SFMBT1: variants seen among roughly 807,000 people sequenced by gnomAD.
SFMBT1 encodes Scm like with four mbt domains 1, also known as scm-like with four MBT domains protein 1.
SFMBT1 carries 32 observed loss-of-function variants against 108.7 expected under a neutral mutation model. The ratio of observed to expected loss-of-function variants is 0.29; its 90% CI spans 0.22 to 0.40. The LOEUF (loss-of-function observed/expected upper bound fraction) is 0.40. Among genes scored for constraint, SFMBT1 ranks in the 10% least tolerant of loss-of-function variants. SFMBT1 has a pLI of 1.00. For synonymous variants in SFMBT1, 348 were observed against 369.5 expected (o/e 0.94, Z 0.67); for missense variants, 816 against 1,059.6 (o/e 0.77, Z 3.19).
chr3:53,008,364 G>C (rs930364060), intron 1 of SFMBT1, among the ~76,000 whole-genome samples: 4 of 151,942 alleles, frequency 2.6e-5, no homozygotes, highest in Non-Finnish European at 4.4e-5. Flanking sequence ...TTCTGTTTTG[G>C]GCTGTTTCAA....
At chr3:52,993,295 T>C (rs566938437) in intron 1 of SFMBT1, among the ~76,000 whole-genome samples, 46 of 150,298 alleles carry the variant, frequency 3.1e-4, no homozygotes, top group African/African-American at 1.1e-3. Flanking sequence ...TACTTTTTAT[T>C]TGTAGCAAAG....
chr3:52,959,099 G>A (rs1436616351), intron 2 of SFMBT1, among the ~76,000 whole-genome samples: 1 of 151,850 alleles, frequency 6.6e-6, no homozygotes, highest in Non-Finnish European at 1.5e-5. Context: ...ACACATCGGG[G>A]GGAAAAGCAT....
chr3:52,937,145 A>G (rs537926691), intron 4 of SFMBT1, among the ~76,000 whole-genome samples: 1 of 152,142 alleles, frequency 6.6e-6, no homozygotes, highest in South Asian at 2.1e-4. Context: ...CCGGCCACAC[A>G]TTTCATTCTT....
chr3:53,019,063 A>G (rs1039124864), intron 1 of SFMBT1: 16 of 152,188 alleles, frequency 1.1e-4, no homozygotes, highest in African/African-American at 3.9e-4. Context: ...GCTGAGGTGG[A>G]AGTATTGCTT....
chr3:52,975,955 G>A (rs1260470102), intron 1 of SFMBT1, among the ~76,000 whole-genome samples: 1 of 151,992 alleles, frequency 6.6e-6, no homozygotes, highest in Non-Finnish European at 1.5e-5. Context: ...AGGCTGTAAT[G>A]ACCCAAGATC....
At chr3:52,919,731 G>A (rs1702462528) in intron 12 of SFMBT1, among the ~76,000 whole-genome samples, 1 of 152,166 alleles carries the variant, frequency 6.6e-6, no homozygotes, top group South Asian at 2.1e-4. Context: ...GAAGCCAGTT[G>A]TCATGTTGTG....
At chr3:53,045,546 C>A (rs1700204374) in intron 1 of SFMBT1, among the ~76,000 whole-genome samples, 2 of 143,158 alleles carry the variant, frequency 1.4e-5, no homozygotes, top group African/African-American at 5.0e-5. Flanking sequence ...GGCGCCCAGG[C>A]GCGCCCCTGC....
At chr3:53,024,164 G>A (rs750889095) in intron 1 of SFMBT1, among the ~76,000 whole-genome samples, 3 of 152,176 alleles carry the variant, frequency 2.0e-5, no homozygotes, top group Non-Finnish European at 2.9e-5. Flanking sequence ...GTTGGAGAAG[G>A]GTTGAAATTT....
intron 1 of SFMBT1, among the ~76,000 whole-genome samples, chr3:52,974,724 C>T (rs1001841202): frequency 1.3e-5 from 2 of 151,578 alleles, no homozygotes; most frequent in African/African-American, 4.9e-5. Flanking sequence ...GGCACGGTGG[C>T]TCACGCCTGT....
chr3:52,942,820 A>C (rs1703230956), intron 4 of SFMBT1, among the ~76,000 whole-genome samples: 1 of 152,098 alleles, frequency 6.6e-6, no homozygotes, highest in Non-Finnish European at 1.5e-5. Flanking sequence ...CAGACAACTC[A>C]CGTATTTTCT....
chr3:52,990,161 C>A (rs1219131576), intron 1 of SFMBT1, among the ~76,000 whole-genome samples: 1 of 152,138 alleles, frequency 6.6e-6, no homozygotes. Context: ...TCAGGAAAAA[C>A]ATCATCATAA....
At chr3:52,976,247 T>C (rs1254146796) in intron 1 of SFMBT1, among the ~76,000 whole-genome samples, 1 of 152,002 alleles carries the variant, frequency 6.6e-6, no homozygotes, top group East Asian at 1.9e-4. Flanking sequence ...ACAAAAAAAG[T>C]TTTTTCTCAA....
At chr3:53,043,397 T>C (rs1448258680) in intron 1 of SFMBT1, 4 of 152,252 alleles carry the variant, frequency 2.6e-5, no homozygotes. Context: ...CTGACTATCC[T>C]GTATATATAA....
At chr3:52,999,785 T>TC (rs1169960345) in intron 1 of SFMBT1, among the ~76,000 whole-genome samples, 1 of 149,876 alleles carries the variant, frequency 6.7e-6, no homozygotes, top group Non-Finnish European at 1.5e-5. Context: ...CCCATTCCTC[T>TC]CCCTGATGGG....
In SFMBT1 at chr3:53,034,165, T is replaced by C. The variant is rs570656884; in HGVS notation, c.-131+11651A>G. Among the ~76,000 whole-genome samples the C allele has an allele frequency of 4.7e-4, 71 of 152,320 alleles. 2 individuals are homozygous for C. The South Asian group carries it at 0.014, about 31-fold the overall frequency. On this transcript the variant is annotated intron_variant, in intron 1 of 20. Coordinates refer to ENST00000394752, the MANE Select transcript of SFMBT1 (RefSeq NM_016329.4). The stretch of plus-strand genomic sequence containing the variant: ...AAATACAAAGGACTTTGTTGAAATT[T>C]TATTGAAGGAATGTGTTTTAATAAA...
intron 1 of SFMBT1, among the ~76,000 whole-genome samples, chr3:53,025,813 C>T (rs1699469285): frequency 6.6e-6 from 1 of 152,114 alleles, no homozygotes; most frequent in Non-Finnish European, 1.5e-5. Flanking sequence ...ACTATGCAGC[C>T]CTAACAATCT....
chr3:53,002,319 A>C (rs1234357892), intron 1 of SFMBT1, among the ~76,000 whole-genome samples: 1 of 148,250 alleles, frequency 6.7e-6, no homozygotes, highest in East Asian at 2.0e-4. Context: ...GAATGGCGTG[A>C]ACCCGGGAGG....
chr3:53,039,937 G>A (rs1468989984), intron 1 of SFMBT1, among the ~76,000 whole-genome samples: 3 of 152,150 alleles, frequency 2.0e-5, no homozygotes, highest in Non-Finnish European at 4.4e-5. Flanking sequence ...GTTCTAGACA[G>A]GCAATATGCT....
intron 3 of SFMBT1, among the ~76,000 whole-genome samples, chr3:52,947,869 G>T (rs1201258361): frequency 2.6e-5 from 4 of 152,002 alleles, no homozygotes; most frequent in Non-Finnish European, 2.9e-5. Context: ...CAAGCAGCTG[G>T]GACTACAGGC....
Sources: allele counts gnomAD v4.1 joint callset (sites outside exome capture counted in the v4.1 genomes callset), GRCh38; gene constraint gnomAD v4.1.1; transcripts MANE v1.5; gene names NCBI Gene and HGNC (gene_info 2026-07-23, HGNC 2026-07-21).